PRKCI: variants seen among roughly 807,000 people sequenced by gnomAD.
The protein encoded by PRKCI is protein kinase C iota type.
A neutral mutation model predicts 84.0 loss-of-function variants in PRKCI; 43 were observed. The ratio of observed to expected loss-of-function variants is 0.51; its 90% CI spans 0.40 to 0.66. The LOEUF (loss-of-function observed/expected upper bound fraction) is 0.66, where lower values mean the gene tolerates loss of function less well. Among genes scored for constraint, PRKCI ranks in the 30% least tolerant of loss-of-function variants. PRKCI has a pLI of 0.00. For synonymous variants in PRKCI, 216 were observed against 234.4 expected, an observed-to-expected ratio of 0.92 and a Z score of 0.72; for missense variants, 459 against 745.6, an observed-to-expected ratio of 0.62 and a Z score of 4.48.
At chr3:170,276,252 A>G (rs902053183) in intron 8 of PRKCI, among the ~76,000 whole-genome samples, 3 of 152,074 alleles carry the variant, frequency 2.0e-5, no homozygotes, top group African/African-American at 7.2e-5. Flanking sequence ...ACTTTGAAAC[A>G]TAAATAAAAG....
At chr3:170,298,686 G>A (rs1323079565) in intron 16 of PRKCI, among the ~76,000 whole-genome samples, 1 of 152,128 alleles carries the variant, frequency 6.6e-6, no homozygotes. Context: ...GATTACAGGC[G>A]TGAGCCACTG....
intron 3 of PRKCI, among the ~76,000 whole-genome samples, chr3:170,260,492 C>A (rs1039482542): frequency 6.6e-6 from 1 of 152,158 alleles, no homozygotes; most frequent in African/African-American, 2.4e-5. Flanking sequence ...GAGACAGTCT[C>A]ACTCTGTCAC....
At chr3:170,262,494 T>C (rs549641431) in intron 3 of PRKCI, among the ~76,000 whole-genome samples, 1 of 152,308 alleles carries the variant, frequency 6.6e-6, no homozygotes, top group East Asian at 1.9e-4. Flanking sequence ...TTTGTTTTTG[T>C]TTCTGAGATG....
intron 1 of PRKCI, among the ~76,000 whole-genome samples, chr3:170,230,495 T>C (rs74913803): frequency 6.8e-6 from 1 of 146,558 alleles, no homozygotes; most frequent in Non-Finnish European, 1.6e-5. Context: ...CATGTCCGGC[T>C]AATTTTTTAT....
intron 10 of PRKCI, chr3:170,281,669 G>A (rs1367264337): frequency 1.9e-6 from 1 of 525,352 alleles, no homozygotes; most frequent in African/African-American, 2.0e-5. Flanking sequence ...TACTACTTTA[G>A]AACAGAAGTA....
At chr3:170,252,709 C>T (rs1045629882) in intron 2 of PRKCI, among the ~76,000 whole-genome samples, 7 of 152,016 alleles carry the variant, frequency 4.6e-5, no homozygotes, top group African/African-American at 1.7e-4. Flanking sequence ...AGCAGTCCTC[C>T]TGCCTCAGCC....
chr3:170,264,561 G>A (rs536932522), intron 4 of PRKCI, among the ~76,000 whole-genome samples: 3 of 152,242 alleles, frequency 2.0e-5, no homozygotes, highest in African/African-American at 7.2e-5. Context: ...TTACAGGTGT[G>A]AGCCACTGCA....
intron 2 of PRKCI, among the ~76,000 whole-genome samples, chr3:170,245,959 T>G (rs7643710): frequency 2.1e-5 from 3 of 142,884 alleles, no homozygotes; most frequent in Middle Eastern, 3.5e-3. Flanking sequence ...GTTTTTTTTT[T>G]TTTTTTTTTT....
At chr3:170,270,719 C>T (rs1042389763) in intron 6 of PRKCI, among the ~76,000 whole-genome samples, 158 bp downstream of exon 6, 2 of 151,874 alleles carry the variant, frequency 1.3e-5, no homozygotes, top group Admixed American at 6.6e-5. Context: ...GTTAACACAC[C>T]GTGAACTTTG....
At chr3:170,254,866 A>T (rs1302701966) in intron 2 of PRKCI, among the ~76,000 whole-genome samples, 1 of 151,450 alleles carries the variant, frequency 6.6e-6, no homozygotes, top group African/African-American at 2.4e-5. Flanking sequence ...GAAGAATGTT[A>T]TTGGTATTTT....
rs1491113541 is a variant in PRKCI, at chr3:170,250,443, CCA to C, written c.224-9525_224-9524del. Among the ~76,000 whole-genome samples, 533 of 104,582 alleles carry C rather than the reference CCA, an allele frequency of 5.1e-3. 11 individuals carry two copies. The highest frequency in any genetic ancestry group is 0.017 in the African/African-American group (467 of 27,668). 68.6% of individuals were successfully genotyped at this position (104,582 alleles called of 152,430 possible). A position where few individuals can be genotyped will look rare whatever the true frequency, so the allele number is the denominator to read the frequency against. Reference sequence around the variant, plus strand: ...CATTTTCATTACCAACCCCCCCCCCCCAAAAAAAAATCTCGTGTCTATTAGCA... The same window carrying C: ...CATTTTCATTACCAACCCCCCCCCCCAAAAAAAATCTCGTGTCTATTAGCA... On this transcript the variant is annotated intron_variant, in intron 2 of 17. Transcript: ENST00000295797.
At chr3:170,280,482 T>C in intron 9 of PRKCI, 79 bp downstream of exon 9, 2 of 1,339,332 alleles carry the variant, frequency 1.5e-6, no homozygotes, top group Admixed American at 2.5e-5. Context: ...AGTTTCGCTC[T>C]TGTCACCCAG....
At chr3:170,240,515 C>A (rs1473038) in intron 2 of PRKCI, among the ~76,000 whole-genome samples, 3,197 of 152,266 alleles carry the variant, frequency 0.021, 53 homozygotes, top group East Asian at 0.085. Flanking sequence ...ATCCTTCTCA[C>A]CTTGCTTAAT....
intron 3 of PRKCI, 58 bp from the exon 4 acceptor site, chr3:170,263,321 T>G: frequency 1.4e-6 from 2 of 1,412,210 alleles, no homozygotes; most frequent in South Asian, 2.4e-5. Context: ...TTTTAAATTC[T>G]GTGTAATTTG....
At chr3:170,253,809 A>G (rs755543192) in intron 2 of PRKCI, among the ~76,000 whole-genome samples, 7 of 149,458 alleles carry the variant, frequency 4.7e-5, no homozygotes, top group Non-Finnish European at 8.9e-5. Context: ...AAAAATGTCT[A>G]TTCAGGGCTA....
At chr3:170,265,271 C>T (rs73034396) in intron 4 of PRKCI, among the ~76,000 whole-genome samples, 42 of 151,990 alleles carry the variant, frequency 2.8e-4, no homozygotes, top group African/African-American at 1.0e-3. Flanking sequence ...CCAGATTTAA[C>T]AAGCTCTTCA....
Position 170,235,314 on chromosome 3 carries a change from C to T in PRKCI, c.186C>T (p.Asn62=), listed in dbSNP as rs140807328. 27 of 1,613,866 alleles carry T rather than the reference C, an allele frequency of 1.7e-5. No homozygotes were observed. The highest frequency in any genetic ancestry group is 1.2e-4 in the African/African-American group (9 of 74,898). ...TTCGAGACATGTGTTCTTTTGACAACGAACAGCTCTTCACCATGAAATGGA... is the reference window on the plus strand; with the variant it reads ...TTCGAGACATGTGTTCTTTTGACAATGAACAGCTCTTCACCATGAAATGGA... ...NEVRDMCSFD[N]EQLFTMKWID... The change falls in exon 2 of 18, where the codon AAC becomes AAT. Residue 62 remains asparagine, a synonymous_variant. Coordinates refer to ENST00000295797, the MANE Select transcript of PRKCI (RefSeq NM_002740.6).
chr3:170,269,316 C>G (rs1379624349), intron 5 of PRKCI, among the ~76,000 whole-genome samples: 1 of 152,166 alleles, frequency 6.6e-6, no homozygotes, highest in Non-Finnish European at 1.5e-5. Context: ...ATAGAAACCA[C>G]CACCCGAAAT....
intron 13 of PRKCI, among the ~76,000 whole-genome samples, chr3:170,292,807 C>T (rs1043202613): frequency 1.1e-4 from 17 of 151,720 alleles, no homozygotes; most frequent in South Asian, 2.1e-4. Flanking sequence ...TTTGGGAGGC[C>T]GAGGCAGGCG....
Sources: gnomAD v4.1 joint callset for allele counts (sites outside exome capture counted in the v4.1 genomes callset) on GRCh38, gnomAD v4.1.1 for gene constraint, MANE v1.5 for transcripts, NCBI Gene and HGNC (gene_info 2026-07-23, HGNC 2026-07-21) for gene names.